ANXA13: variants seen among roughly 807,000 people sequenced by gnomAD.
ANXA13 encodes the protein annexin A13.
ANXA13 carries 36 observed loss-of-function variants against 46.6 expected under a neutral mutation model. The ratio of observed to expected loss-of-function variants is 0.77; its 90% confidence interval spans 0.59 to 1.02. The LOEUF is 1.02. Among genes scored for constraint, ANXA13 ranks in the 50% least tolerant of loss-of-function variants. The pLI is 0.00. For synonymous variants in ANXA13, 163 were observed against 152.9 expected, an observed-to-expected ratio of 1.07 and a Z score of -0.49; for missense variants, 417 against 396.5, an observed-to-expected ratio of 1.05 and a Z score of -0.44.
chr8:123,689,064 G>A, intron 8 of ANXA13, 118 bp from the exon 9 acceptor site: 1 of 894,072 alleles, frequency 1.1e-6, no homozygotes, highest in Non-Finnish European at 1.8e-6. Flanking sequence ...GTGGCTTCAG[G>A]GAACTGCTAT....
intron 10 of ANXA13, among the ~76,000 whole-genome samples, chr8:123,682,060 C>A (rs1377283100): frequency 6.6e-6 from 1 of 152,154 alleles, no homozygotes; most frequent in Non-Finnish European, 1.5e-5. Flanking sequence ...CCTGAATTGG[C>A]CTGCAGGCTG....
At chr8:123,727,212 T>C (rs972723685) in intron 1 of ANXA13, among the ~76,000 whole-genome samples, 2 of 149,750 alleles carry the variant, frequency 1.3e-5, no homozygotes, top group Non-Finnish European at 3.0e-5. Context: ...AATAAAGAAT[T>C]TTTAAAAAAG....
chr8:123,691,081 G>A lies in ANXA13; in HGVS notation c.642+2116C>T, dbSNP rs117342439. ...ATGCAGAAGTTTGGGAAACTGTTGC[G>A]TGGCCTGGGATTGCTGGGAGTGTCA... is the stretch of plus-strand genomic sequence containing the variant. On this transcript the variant is annotated intron_variant, in intron 8 of 10. Transcript: ENST00000419625. Among the ~76,000 whole-genome samples the A allele has an allele frequency of 1.8e-4, 28 of 152,278 alleles. No homozygotes were observed. The East Asian group carries it at 4.0e-3, about 22-fold the overall frequency.
rs1415843730 is a variant in ANXA13, at chr8:123,713,986, G to A, written c.16-1233C>T. Among the ~76,000 whole-genome samples the A allele has an allele frequency of 2.6e-5, 4 of 152,144 alleles. No homozygotes were observed. In the East Asian group the frequency reaches 7.7e-4, roughly 29 times the overall value. On this transcript the variant is annotated intron_variant, in intron 1 of 10. Coordinates refer to ENST00000419625, the MANE Select transcript of ANXA13 (RefSeq NM_004306.4). Reference sequence around the variant, plus strand: ...TGGGATTACAGGTGTGAGCCACGGCGCCCGGCATGTCCATATATTTTCCAT... The same window carrying A: ...TGGGATTACAGGTGTGAGCCACGGCACCCGGCATGTCCATATATTTTCCAT...
At chr8:123,694,128 A>G (rs1294161811) in intron 6 of ANXA13, among the ~76,000 whole-genome samples, 1 of 152,118 alleles carries the variant, frequency 6.6e-6, no homozygotes, top group East Asian at 1.9e-4. Context: ...TCAAGGTCCC[A>G]GTCCTAAAAA....
In ANXA13 at chr8:123,702,702, C is replaced by G; in HGVS notation, c.126G>C (p.Ser42=). The G allele has an allele frequency of 6.2e-7, 1 of 1,613,948 alleles. No homozygotes were observed. Residue 42 remains serine (S), a synonymous_variant, in exon 3 of 11, where the codon TCG becomes TCC. Coordinates refer to ENST00000419625, the MANE Select transcript of ANXA13 (RefSeq NM_004306.4). The part of the protein sequence containing the change: ...TNEAAIIEIL[S]GRTSDERQQI... ...GTTGCCTCTCATCTGATGTCCTGCC[C>G]GATAAGATTTCAATGATGGCTGCTT...
At chr8:123,725,963 C>T (rs1398611759) in intron 1 of ANXA13, among the ~76,000 whole-genome samples, 1 of 152,182 alleles carries the variant, frequency 6.6e-6, no homozygotes, top group Non-Finnish European at 1.5e-5. Flanking sequence ...CTGTTGATAC[C>T]TCCTTTCCAA....
chr8:123,695,899 A>AAGGGGG, intron 4 of ANXA13, among the ~76,000 whole-genome samples, 178 bp from the exon 5 acceptor site: 2 of 146,236 alleles, frequency 1.4e-5, no homozygotes, highest in Admixed American at 6.7e-5. Flanking sequence ...TGGAGATGTG[A>AAGGGGG]CGGCCCGCCC....
chr8:123,696,556 CCA>C lies in ANXA13; in HGVS notation c.358-837_358-836del, dbSNP rs1491266046. 9.9e-4 allele frequency among the ~76,000 whole-genome samples: 85 copies of C among 85,954 alleles called. 1 individual carries two copies. In the East Asian group the frequency reaches 0.018, roughly 19 times the overall value. 56.4% of individuals were successfully genotyped at this position (85,954 alleles called of 152,430 possible). ...TTGTAAGAGCAGGCTTCCTGCTCCC[CCA>C]CCCCCCCCACCACCAAGCTGGTTAA... On this transcript the variant is annotated intron_variant, in intron 4 of 10. Transcript: ENST00000419625.
chr8:123,730,538 C>A (rs1288391022), intron 1 of ANXA13, among the ~76,000 whole-genome samples: 4 of 152,166 alleles, frequency 2.6e-5, no homozygotes, highest in Non-Finnish European at 5.9e-5. Flanking sequence ...ACCCCCACCC[C>A]CTCACCCAAC....
rs146707294 is a variant in ANXA13, at chr8:123,724,040, C to G, written c.16-11287G>C. Among the ~76,000 whole-genome samples, 461 of 152,258 alleles carry G rather than the reference C, an allele frequency of 3.0e-3. 5 individuals carry two copies. Among genetic ancestry groups the G allele is most frequent in the African/African-American group, 0.011 (448 of 41,558 alleles). On this transcript the variant is annotated intron_variant, in intron 1 of 10. Transcript: ENST00000419625. ...CAGTAGTAGGGACAGAAGAATGGAA[C>G]AGGAAACTTATCTGGATAGAAATCT...
intron 1 of ANXA13, among the ~76,000 whole-genome samples, chr8:123,726,755 C>G (rs1055938697): frequency 8.5e-5 from 13 of 152,306 alleles, no homozygotes; most frequent in African/African-American, 3.1e-4. Flanking sequence ...CTTGCACATG[C>G]ATATTAATAG....
intron 9 of ANXA13, among the ~76,000 whole-genome samples, chr8:123,685,014 A>C (rs1047513162): frequency 6.6e-6 from 1 of 152,246 alleles, no homozygotes; most frequent in Admixed American, 6.5e-5. Context: ...ATTTCCCAGC[A>C]GAAATAACTT....
chr8:123,713,315 T>C (rs951250817), intron 1 of ANXA13, among the ~76,000 whole-genome samples: 1 of 152,250 alleles, frequency 6.6e-6, no homozygotes, highest in South Asian at 2.1e-4. Context: ...GTCCTGTTTA[T>C]ATAGTGTATT....
chr8:123,702,588 G>C (rs374755044), intron 3 of ANXA13, 54 bp downstream of exon 3: 6 of 1,449,510 alleles, frequency 4.1e-6, no homozygotes, highest in African/African-American at 2.8e-5. Context: ...TGAGGAAGCC[G>C]AGACGGCTGA....
intron 1 of ANXA13, among the ~76,000 whole-genome samples, chr8:123,713,048 G>A (rs937492101): frequency 6.6e-6 from 1 of 152,216 alleles, no homozygotes; most frequent in Non-Finnish European, 1.5e-5. Flanking sequence ...CCCCACCTTT[G>A]TGTGTCTGCC....
In ANXA13 at chr8:123,737,351, T is replaced by C. The variant is rs974658380; in HGVS notation, c.-17A>G. The C allele has an allele frequency of 9.3e-6, 15 of 1,610,652 alleles. No homozygotes were observed. Among genetic ancestry groups the C allele is most frequent in the East Asian group, 4.5e-5 (2 of 44,716 alleles). Reference sequence around the variant, plus strand: ...ATTGCCCATTTTCCTTTTTCTGAGATGGTTTTTCTGTATTTCATCAAGAGA... The same window carrying C: ...ATTGCCCATTTTCCTTTTTCTGAGACGGTTTTTCTGTATTTCATCAAGAGA... On this transcript the variant is annotated 5_prime_UTR_variant, in exon 1 of 11. Transcript: ENST00000419625.
At chr8:123,709,309 C>G (rs1813608256) in intron 2 of ANXA13, among the ~76,000 whole-genome samples, 1 of 151,904 alleles carries the variant, frequency 6.6e-6, no homozygotes, top group African/African-American at 2.4e-5. Flanking sequence ...CACATTCACT[C>G]TCCCTCCCTC....
intron 1 of ANXA13, among the ~76,000 whole-genome samples, chr8:123,735,136 C>T (rs1023467504): frequency 6.6e-6 from 1 of 151,164 alleles, no homozygotes; most frequent in Non-Finnish European, 1.5e-5. Context: ...AAAAACAAAC[C>T]CAGCATTATA....
Sources: allele counts gnomAD v4.1 joint callset (sites outside exome capture counted in the v4.1 genomes callset), GRCh38; gene constraint gnomAD v4.1.1; transcripts MANE v1.5; gene names NCBI Gene and HGNC (gene_info 2026-07-23, HGNC 2026-07-21).